Variants in RABGAP1L observed in about 807,000 individuals in gnomAD.
RABGAP1L encodes the protein RAB GTPase activating protein 1 like.
In RABGAP1L, 63 loss-of-function variants were observed where a neutral mutation model predicts 137.7. That is an observed-to-expected ratio of 0.46 (90% CI 0.37 to 0.56). The LOEUF (loss-of-function observed/expected upper bound fraction) is 0.56, where lower values mean the gene tolerates loss of function less well. RABGAP1L is among the 20% of genes least tolerant of loss of function. The pLI is 0.00. For missense variants in RABGAP1L, 1,095 were observed against 1,244.0 expected, an observed-to-expected ratio of 0.88 and a Z score of 1.80; for synonymous variants, 431 against 433.7, an observed-to-expected ratio of 0.99 and a Z score of 0.08.
In RABGAP1L at chr1:174,287,071, T is replaced by C. The variant is rs190565815; in HGVS notation, c.1323+8292T>C. On this transcript the variant is annotated intron_variant, in intron 10 of 25. Transcript: ENST00000681986. The stretch of plus-strand genomic sequence containing the variant: ...CATTTTTTCTATAGTGTTGTTCAAA[T>C]CTGTTGATTCCTTATGATTTTCTGC... Among the ~76,000 whole-genome samples, 183 of 152,290 alleles carry C rather than the reference T, an allele frequency of 1.2e-3. 1 individual carries two copies. Among genetic ancestry groups the C allele is most frequent in the African/African-American group, 3.6e-3 (150 of 41,580 alleles).
At chr1:174,773,502 A>T (rs984227822) in intron 18 of RABGAP1L, among the ~76,000 whole-genome samples, 2 of 152,210 alleles carry the variant, frequency 1.3e-5, no homozygotes, top group Non-Finnish European at 1.5e-5. Flanking sequence ...ACATCATACT[A>T]TGAGTGAAAA....
rs151327309 is a variant in RABGAP1L, at chr1:174,883,798, T to C, written c.2340+71838T>C. 6.7e-4 allele frequency among the ~76,000 whole-genome samples: 102 copies of C among 152,204 alleles called. 2 individuals carry two copies. In the East Asian group the frequency reaches 0.014, roughly 21 times the overall value. ...AGACACTTGACAGTGGGAGTGTAAA[T>C]AGAGATTAGTCTACACATGTTGGTT... is the stretch of plus-strand genomic sequence containing the variant. On this transcript the variant is annotated intron_variant, in intron 19 of 25. Transcript: ENST00000681986.
At chr1:174,942,811 C>T (rs974796222) in intron 19 of RABGAP1L, among the ~76,000 whole-genome samples, 27 of 152,268 alleles carry the variant, frequency 1.8e-4, no homozygotes, top group African/African-American at 3.1e-4. Context: ...TGCAGTTCTC[C>T]GCCTCCAACT....
intron 14 of RABGAP1L, among the ~76,000 whole-genome samples, chr1:174,677,037 A>G (rs575168023): frequency 1.3e-5 from 2 of 152,062 alleles, no homozygotes; most frequent in Non-Finnish European, 1.5e-5. Context: ...GTATCAGGGA[A>G]GTGGCCAGAT....
chr1:174,850,870 AGT>A (rs944786393), intron 19 of RABGAP1L, among the ~76,000 whole-genome samples: 3 of 152,266 alleles, frequency 2.0e-5, no homozygotes, highest in African/African-American at 7.2e-5. Flanking sequence ...AGAAGGACTC[AGT>A]GTGCAATAGC....
intron 17 of RABGAP1L, among the ~76,000 whole-genome samples, chr1:174,717,184 A>G (rs1681089874): frequency 6.6e-6 from 1 of 152,074 alleles, no homozygotes; most frequent in Admixed American, 6.6e-5. Context: ...CTGAGGTGGG[A>G]TGATCATTTG....
intron 15 of RABGAP1L, among the ~76,000 whole-genome samples, chr1:174,695,647 G>T (rs1322835615): frequency 6.6e-6 from 1 of 152,112 alleles, no homozygotes; most frequent in Non-Finnish European, 1.5e-5. Context: ...GTTTTCCTGG[G>T]TATTCTTGAT....
rs1257894472 is a variant in RABGAP1L, at chr1:174,761,917, G to A, written c.2211+9563G>A. ...TAAATATAGTATATTAGAAGTTATA[G>A]TATTATGGGGAAAAGGAAAAGTACC... On this transcript the variant is annotated intron_variant, in intron 18 of 25. Coordinates refer to ENST00000681986, the MANE Select transcript of RABGAP1L (RefSeq NM_001366446.1). The surrounding 1 kb of genome is among the most constrained non-coding windows in gnomAD (Gnocchi z 4.0). Among the ~76,000 whole-genome samples, 2 of 152,130 alleles carry A rather than the reference G, an allele frequency of 1.3e-5. No individual in the cohort carries two copies. The highest frequency in any genetic ancestry group is 4.8e-5 in the African/African-American group (2 of 41,438).
chr1:174,918,860 T>G (rs1661329696), intron 19 of RABGAP1L, among the ~76,000 whole-genome samples: 1 of 151,892 alleles, frequency 6.6e-6, no homozygotes, highest in South Asian at 2.1e-4. Context: ...AAATTAAAAT[T>G]TAAAAATTTG....
chr1:174,852,176 A>G (rs1373818991), intron 19 of RABGAP1L, among the ~76,000 whole-genome samples: 1 of 152,198 alleles, frequency 6.6e-6, no homozygotes, highest in African/African-American at 2.4e-5. Context: ...AACTTTGAGA[A>G]CCACAGAGAA....
intron 17 of RABGAP1L, among the ~76,000 whole-genome samples, chr1:174,731,791 G>A (rs928939236): frequency 8.5e-5 from 13 of 152,172 alleles, no homozygotes; most frequent in African/African-American, 3.1e-4. Flanking sequence ...TGCCTTCCTT[G>A]CTACATCTTC....
intron 14 of RABGAP1L, among the ~76,000 whole-genome samples, chr1:174,679,625 C>T (rs1677899154): frequency 6.6e-6 from 1 of 151,950 alleles, no homozygotes; most frequent in South Asian, 2.1e-4. Flanking sequence ...AGGCATATGG[C>T]CAAAGGAAGT....
chr1:174,392,911 T>G (rs1647331370), intron 12 of RABGAP1L, among the ~76,000 whole-genome samples: 1 of 152,022 alleles, frequency 6.6e-6, no homozygotes, highest in South Asian at 2.1e-4. Flanking sequence ...CTCTAATAGA[T>G]AAAAAATGAG....
chr1:174,343,356 A>G (rs1167898085), intron 11 of RABGAP1L, among the ~76,000 whole-genome samples: 3 of 152,188 alleles, frequency 2.0e-5, no homozygotes, highest in Non-Finnish European at 2.9e-5. Context: ...TATAGGTAGT[A>G]CCAAATTTCT....
chr1:174,626,124 T>C (rs1342889856), intron 13 of RABGAP1L, among the ~76,000 whole-genome samples: 2 of 152,328 alleles, frequency 1.3e-5, no homozygotes, highest in African/African-American at 4.8e-5. Flanking sequence ...AGTTCCCCAG[T>C]TGGGACAATG....
intron 13 of RABGAP1L, among the ~76,000 whole-genome samples, chr1:174,418,448 G>T (rs1325871436): frequency 6.6e-6 from 1 of 152,148 alleles, no homozygotes; most frequent in African/African-American, 2.4e-5. Flanking sequence ...CCCTGTGATG[G>T]CACATTAATG....
At chr1:174,439,234 G>T (rs556677098) in intron 13 of RABGAP1L, among the ~76,000 whole-genome samples, 90 of 152,134 alleles carry the variant, frequency 5.9e-4, no homozygotes, top group African/African-American at 2.1e-3. Flanking sequence ...TCTTTATCAG[G>T]TTGAGGAAGT....
chr1:174,458,010 G>T (rs1656235757), intron 13 of RABGAP1L, among the ~76,000 whole-genome samples: 1 of 152,146 alleles, frequency 6.6e-6, no homozygotes, highest in African/African-American at 2.4e-5. Flanking sequence ...GCTATTGTGT[G>T]CCAGGGACTA....
At chr1:174,485,180 A>AT (rs769966663) in intron 13 of RABGAP1L, among the ~76,000 whole-genome samples, 11 of 152,068 alleles carry the variant, frequency 7.2e-5, no homozygotes, top group South Asian at 2.1e-4. Context: ...TGGTTTTTGT[A>AT]TGTTGATTTT....
Sources: allele counts gnomAD v4.1 joint callset (sites outside exome capture counted in the v4.1 genomes callset), GRCh38; gene constraint gnomAD v4.1.1; non-coding constraint Gnocchi (gnomAD v3.1); transcripts MANE v1.5; gene names NCBI Gene and HGNC (gene_info 2026-07-23, HGNC 2026-07-21).